GRIP1: variants seen among roughly 807,000 people sequenced by gnomAD.
GRIP1 encodes the protein glutamate receptor-interacting protein 1.
Under a neutral mutation model 129.9 loss-of-function variants are expected in GRIP1, and 45 were observed. The ratio of observed to expected loss-of-function variants is 0.35; its 90% CI spans 0.27 to 0.44. The LOEUF (loss-of-function observed/expected upper bound fraction) is 0.44. Ranked by LOEUF, GRIP1 falls within the 20% of genes least tolerant of loss-of-function variation. GRIP1 has a pLI of 1.00. For missense variants in GRIP1, 1,196 were observed against 1,396.8 expected, an observed-to-expected ratio of 0.86 and a Z score of 2.29; for synonymous variants, 530 against 520.8, an observed-to-expected ratio of 1.02 and a Z score of -0.24.
intron 1 of GRIP1, among the ~76,000 whole-genome samples, chr12:66,831,856 TA>T (rs35474033): frequency 0.16 from 24,507 of 152,092 alleles, 2,104 homozygotes; most frequent in East Asian, 0.37. Flanking sequence ...TAGACTGCAG[TA>T]AAAACTAATT....
intron 15 of GRIP1, among the ~76,000 whole-genome samples, chr12:66,408,542 C>T (rs1485209999): frequency 6.6e-6 from 1 of 152,096 alleles, no homozygotes; most frequent in Non-Finnish European, 1.5e-5. Context: ...GTAGTACTTG[C>T]TGTGGGCCTT....
intron 1 of GRIP1, among the ~76,000 whole-genome samples, chr12:66,961,757 C>T (rs1344277652): frequency 2.0e-5 from 3 of 152,134 alleles, no homozygotes; most frequent in Non-Finnish European, 4.4e-5. Flanking sequence ...TTCTAAGCTC[C>T]ATGAGGGCAA....
At chr12:66,769,099 C>T (rs564760639) in intron 1 of GRIP1, among the ~76,000 whole-genome samples, 26 of 152,256 alleles carry the variant, frequency 1.7e-4, no homozygotes, top group Non-Finnish European at 2.5e-4. Flanking sequence ...GAGTTTCTGA[C>T]GCAGTAGGTT....
chr12:66,523,958 C>T (rs893368529), intron 5 of GRIP1, among the ~76,000 whole-genome samples: 2 of 152,182 alleles, frequency 1.3e-5, no homozygotes, highest in African/African-American at 2.4e-5. Context: ...GTAAAGGGAT[C>T]AATTCAACAA....
chr12:66,733,877 G>C (rs1731541456), intron 1 of GRIP1, among the ~76,000 whole-genome samples: 1 of 152,138 alleles, frequency 6.6e-6, no homozygotes, highest in South Asian at 2.1e-4. Context: ...GAAATCAAAG[G>C]AGAGAGGAGC....
At chr12:67,013,459 T>C (rs2042738738) in intron 1 of GRIP1, among the ~76,000 whole-genome samples, 1 of 152,160 alleles carries the variant, frequency 6.6e-6, no homozygotes, top group African/African-American at 2.4e-5. Flanking sequence ...AATTACCTCA[T>C]CTATCTACTG....
intron 1 of GRIP1, among the ~76,000 whole-genome samples, chr12:66,685,806 T>C (rs2034764548): frequency 6.6e-6 from 1 of 152,210 alleles, no homozygotes; most frequent in Admixed American, 6.5e-5. Flanking sequence ...CTAATCACCA[T>C]CTAACACGCT....
intron 13 of GRIP1, among the ~76,000 whole-genome samples, chr12:66,437,226 T>C (rs2058336526): frequency 6.6e-6 from 1 of 152,194 alleles, no homozygotes; most frequent in South Asian, 2.1e-4. Context: ...ACAACTCACA[T>C]CCAGTGATTC....
chr12:66,365,265 G>A (rs1157531281), intron 23 of GRIP1, among the ~76,000 whole-genome samples: 1 of 152,078 alleles, frequency 6.6e-6, no homozygotes, highest in Non-Finnish European at 1.5e-5. Context: ...GTGAAACCCT[G>A]TCCCTACTAA....
At chr12:66,985,745 A>C (rs2042302296) in intron 1 of GRIP1, among the ~76,000 whole-genome samples, 1 of 152,204 alleles carries the variant, frequency 6.6e-6, no homozygotes, top group Admixed American at 6.5e-5. Flanking sequence ...CCTCTGAGAC[A>C]TCTCATCCTG....
chr12:66,554,225 A>G (rs915243292), intron 2 of GRIP1, among the ~76,000 whole-genome samples: 12 of 152,326 alleles, frequency 7.9e-5, no homozygotes, highest in African/African-American at 2.6e-4. Flanking sequence ...CAACTCAGCT[A>G]CAGTCAGAGA....
intron 1 of GRIP1, among the ~76,000 whole-genome samples, chr12:67,013,691 A>G (rs897599970): frequency 1.3e-5 from 2 of 152,140 alleles, no homozygotes; most frequent in Non-Finnish European, 2.9e-5. Flanking sequence ...TAAAGAAGGG[A>G]TGTATATTAG....
chr12:67,063,244 C>G (rs1317394209), intron 1 of GRIP1, among the ~76,000 whole-genome samples: 1 of 152,218 alleles, frequency 6.6e-6, no homozygotes, highest in Non-Finnish European at 1.5e-5. Context: ...AGGAATCTAT[C>G]TAGTACACAG....
At chr12:67,030,688 CTG>C (rs1274540274) in intron 1 of GRIP1, among the ~76,000 whole-genome samples, 4 of 152,174 alleles carry the variant, frequency 2.6e-5, no homozygotes, top group Non-Finnish European at 5.9e-5. Flanking sequence ...TTGCTTCTAA[CTG>C]TGAAAAAGTG....
intron 7 of GRIP1, among the ~76,000 whole-genome samples, chr12:66,465,734 C>A (rs1278112634): frequency 2.0e-5 from 3 of 152,168 alleles, no homozygotes; most frequent in Admixed American, 1.3e-4. Flanking sequence ...TGGCACAATG[C>A]CGAGCATATA....
At chr12:66,531,789 A>G (rs940038623) in intron 4 of GRIP1, among the ~76,000 whole-genome samples, 1 of 152,204 alleles carries the variant, frequency 6.6e-6, no homozygotes, top group African/African-American at 2.4e-5. Flanking sequence ...ATTGGTTAAG[A>G]AAATGATTTT....
At chr12:66,809,558 C>T (rs1379776483) in intron 1 of GRIP1, among the ~76,000 whole-genome samples, 1 of 152,134 alleles carries the variant, frequency 6.6e-6, no homozygotes, top group East Asian at 1.9e-4. Flanking sequence ...TCTCATTAGA[C>T]CCACTCCTAC....
intron 1 of GRIP1, among the ~76,000 whole-genome samples, chr12:67,041,151 CTCTT>C (rs1275648704): frequency 6.6e-6 from 1 of 152,160 alleles, no homozygotes; most frequent in African/African-American, 2.4e-5. Flanking sequence ...ATCAATCTCT[CTCTT>C]TCTCTCTCTC....
chr12:66,558,138 A>T (rs1389046317), intron 2 of GRIP1, among the ~76,000 whole-genome samples: 2 of 152,176 alleles, frequency 1.3e-5, no homozygotes, highest in Admixed American at 1.3e-4. Context: ...ATTACAGCTG[A>T]TACTACAGAA....
Sources: allele counts gnomAD v4.1 joint callset (sites outside exome capture counted in the v4.1 genomes callset), GRCh38; gene constraint gnomAD v4.1.1; transcripts MANE v1.5; gene names NCBI Gene and HGNC (gene_info 2026-07-23, HGNC 2026-07-21).